TTN: variants seen among roughly 807,000 people sequenced by gnomAD.
TTN encodes the protein titin.
TTN carries 1,525 observed loss-of-function variants against 3,223.0 expected under a neutral mutation model. The observed-to-expected ratio is 0.47, with a 90% CI of 0.45 to 0.49. TTN has a LOEUF of 0.49. TTN is among the 20% of genes least tolerant of loss of function. TTN has a pLI of 0.00. For synonymous variants in TTN, 14,094 were observed against 15,161.0 expected (o/e 0.93, Z 5.17); for missense variants, 40,786 against 43,424.0 (o/e 0.94, Z 5.40).
rs749931280 is a variant in TTN at position 178,649,816 on chromosome 2, C to A, written c.39895+1G>T. The A allele has an allele frequency of 1.5e-5, 24 of 1,611,698 alleles. No individual in the cohort carries two copies. The highest frequency in any genetic ancestry group is 1.5e-4 in the African/African-American group (11 of 74,662). On this transcript the variant is annotated splice_donor_variant, in intron 211 of 362. Transcript: ENST00000589042. LOFTEE classifies it high-confidence loss of function. Reference sequence around the variant, plus strand: ...TGAAGTATTCATTTTAACATGAGTACCTTTAGGAGGCGGTGCTTCTGGTTT... The same window carrying A: ...TGAAGTATTCATTTTAACATGAGTAACTTTAGGAGGCGGTGCTTCTGGTTT...
chr2:178,588,648 T>C lies in TTN; in HGVS notation c.63077A>G (p.Gln21026Arg), dbSNP rs2049578879. 6.2e-7 allele frequency: 1 copy of C among 1,609,692 alleles called. No homozygotes were observed. The highest frequency in any genetic ancestry group is 1.3e-5 in the African/African-American group (1 of 74,768). ...ATATTCATGGTCTGGGAGGAGATTCTGTACTTTCATACGTCTCTCAGGGAT... is the reference window on the plus strand; with the variant it reads ...ATATTCATGGTCTGGGAGGAGATTCCGTACTTTCATACGTCTCTCAGGGAT... ...SAIPERRMKV[Q>R]NLLPDHEYQF... is the part of the protein sequence containing the mutation. Residue 21026 changes from glutamine to arginine, a missense_variant, in exon 304 of 363, where the codon CAG (glutamine) becomes CGG (arginine). Transcript: ENST00000589042.
intron 47 of TTN, chr2:178,744,262 T>A (rs1224928583): frequency 1.6e-6 from 1 of 610,442 alleles, no homozygotes; most frequent in Non-Finnish European, 2.0e-6. Flanking sequence ...TCTTTCATTG[T>A]AATATTATTT....
chr2:178,650,713 C>T (rs758988792), intron 209 of TTN, 38 bp downstream of exon 209: 26 of 1,521,632 alleles, frequency 1.7e-5, no homozygotes, highest in East Asian at 2.3e-5. Flanking sequence ...GAAATAGTCG[C>T]AAGTGGCAAG....
intron 312 of TTN, 60 bp downstream of exon 312, chr2:178,583,547 G>T: frequency 2.8e-6 from 4 of 1,422,874 alleles, no homozygotes; most frequent in Non-Finnish European, 3.7e-6. Context: ...TTTTTATTAG[G>T]AAAAATGACC....
intron 1 of TTN, among the ~76,000 whole-genome samples, 189 bp downstream of exon 1, chr2:178,807,023 T>A (rs1210526200): frequency 1.3e-5 from 2 of 152,194 alleles, no homozygotes; most frequent in Non-Finnish European, 2.9e-5. Context: ...AGCTTTCAAC[T>A]TTTTAAGGAA....
At position 178,773,241 on chromosome 2, in the gene TTN, T is replaced by C; in HGVS notation, c.7723A>G (p.Ser2575Gly). 1 of 1,613,940 alleles carries C rather than the reference T, an allele frequency of 6.2e-7. No individual in the cohort carries two copies. Among genetic ancestry groups the C allele is most frequent in the Non-Finnish European group, 8.5e-7 (1 of 1,179,946 alleles). ...TGTGCTTCAATTTTATATTTAGAAC[T>C]GGGCTTGATTTCCTTGTCCTTAAAA... ...WNFKDKEIKPSSKYKIEAHGK... is the reference protein window; with the variant it reads ...WNFKDKEIKPGSKYKIEAHGK... The change falls in exon 33 of 363, where the codon AGT (serine) becomes GGT (glycine). Residue 2575 changes from serine to glycine, a missense_variant. By Grantham distance (56) the Ser-to-Gly change is moderately conservative. Transcript: ENST00000589042.
chr2:178,677,565 G>A (rs994961584), intron 146 of TTN, 56 bp downstream of exon 146: 6 of 1,510,066 alleles, frequency 4.0e-6, no homozygotes, highest in Admixed American at 2.2e-5. Context: ...AAAAGGATGG[G>A]AAAGCAGAAT....
At position 178,587,804 on chromosome 2, in the gene TTN, C is replaced by G. The variant is rs764153401; in HGVS notation, c.63509-4G>C. 6.3e-7 allele frequency: 1 copy of G among 1,590,944 alleles called. No homozygotes were observed. Among genetic ancestry groups the G allele is most frequent in the Non-Finnish European group, 8.6e-7 (1 of 1,168,166 alleles). On this transcript the variant is annotated splice_polypyrimidine_tract_variant and splice_region_variant and intron_variant, in intron 305 of 362. Coordinates refer to ENST00000589042, the MANE Select transcript of TTN (RefSeq NM_001267550.2). Reference sequence around the variant, plus strand: ...TCCAAATCAATCTCCGGAGGTTCTGCAAATGACATTAAGGTCATTAATTGA... The same window carrying G: ...TCCAAATCAATCTCCGGAGGTTCTGGAAATGACATTAAGGTCATTAATTGA...
Position 178,664,078 on chromosome 2 carries a change from T to A in TTN, c.36301A>T (p.Ile12101Phe). 1 of 1,612,602 alleles carries A rather than the reference T, an allele frequency of 6.2e-7. No homozygotes were observed. The highest frequency in any genetic ancestry group is 8.5e-7 in the Non-Finnish European group (1 of 1,179,572). ...ACCGACACTTTCTTTTCAGGGATAA[T>A]CTCTTTGGGAGCTTCGTGCACTTGA... ...PVKVHEAPKE[I>F]IPEKKVSVVP... is the part of the protein sequence containing the mutation. Residue 12101 changes from isoleucine to phenylalanine, a missense_variant, in exon 169 of 363, where the codon ATT becomes TTT. Physicochemically the swap from Ile to Phe is conservative, Grantham distance 21. Transcript: ENST00000589042.
chr2:178,568,679 T>G lies in TTN; in HGVS notation c.77453A>C (p.Glu25818Ala), dbSNP rs781425261. Residue 25818 changes from glutamate to alanine, a missense_variant, in exon 326 of 363, where the codon GAA (glutamate) becomes GCA (alanine). Glu to Ala is a moderately radical substitution (Grantham distance 107). Transcript: ENST00000589042. Reference sequence around the variant, plus strand: ...CTTAGGACGTCCAGAAATTGGCACTTCTATTTTCAAATCTTGGCCAACCTG... The same window carrying G: ...CTTAGGACGTCCAGAAATTGGCACTGCTATTTTCAAATCTTGGCCAACCTG... The part of the protein sequence containing the change: ...SVQVGQDLKI[E>A]VPISGRPKPT... The G allele has an allele frequency of 4.3e-6, 7 of 1,613,376 alleles. No homozygotes were observed. The Admixed American group carries it at 1.0e-4, about 23-fold the overall frequency.
rs775514055 is a variant in TTN, at chr2:178,693,605, A to G, written c.31594+4T>C. 1 of 1,560,630 alleles carries G rather than the reference A, an allele frequency of 6.4e-7. No individual in the cohort carries two copies. On this transcript the variant is annotated splice_donor_region_variant and intron_variant, in intron 119 of 362. Transcript: ENST00000589042. ...AGTTTAAACTTAGAATGAATTACTA[A>G]TACCTTTAGGTGGTGGTTCAACCCT...
At position 178,570,837 on chromosome 2, in the gene TTN, C is replaced by T; in HGVS notation, c.75295G>A (p.Ala25099Thr). The change falls in exon 326 of 363, where the codon GCA becomes ACA. Residue 25099 changes from alanine (A) to threonine (T), a missense_variant. Ala to Thr is a moderately conservative substitution (Grantham distance 58). Transcript: ENST00000589042. ...TCTACCTCATCTCTAGCTGTTATTGCTCCTGTGCTTTCTGAAGGCTCACTA... is the reference window on the plus strand; with the variant it reads ...TCTACCTCATCTCTAGCTGTTATTGTTCCTGTGCTTTCTGAAGGCTCACTA... ...VFSEPSESTG[A>T]ITARDEVDPP... 1 of 1,613,492 alleles carries T rather than the reference C, an allele frequency of 6.2e-7. No individual in the cohort carries two copies. Among genetic ancestry groups the T allele is most frequent in the South Asian group, 1.1e-5 (1 of 91,076 alleles).
Position 178,634,352 on chromosome 2 carries a change from A to T in TTN, c.42415+14T>A. Reference sequence around the variant, plus strand: ...GCCTTTATGGGATGTCACAGATCTCATTAGCTCGCTTACCTGTGACAAACA... The same window carrying T: ...GCCTTTATGGGATGTCACAGATCTCTTTAGCTCGCTTACCTGTGACAAACA... On this transcript the variant is annotated intron_variant, in intron 230 of 362. Coordinates refer to ENST00000589042, the MANE Select transcript of TTN (RefSeq NM_001267550.2). This position sits in a 1 kb window ranked among gnomAD's most constrained non-coding sequence, Gnocchi z 4.6. 6.3e-7 allele frequency: 1 copy of T among 1,596,380 alleles called. No individual in the cohort carries two copies. The highest frequency in any genetic ancestry group is 8.5e-7 in the Non-Finnish European group (1 of 1,175,754).
rs781644443 is a variant in TTN at position 178,735,803 on chromosome 2, C to G, written c.14643G>C (p.Glu4881Asp). The change falls in exon 50 of 363, where the codon GAG (glutamate) becomes GAC (aspartate). Residue 4881 changes from glutamate (E) to aspartate (D), a missense_variant. By Grantham distance (45) the Glu-to-Asp change is conservative. Coordinates refer to ENST00000589042, the MANE Select transcript of TTN (RefSeq NM_001267550.2). ...AATGTGGCTTATCAATGATGATCAA[C>G]TCTGCTTGGCAGATGTCTGCTCCAA... ...NKFGADICQAELIIIDKPHFI... is the reference protein window; with the variant it reads ...NKFGADICQADLIIIDKPHFI... 37 of 1,613,614 alleles carry G rather than the reference C, an allele frequency of 2.3e-5. No individual in the cohort carries two copies. Among genetic ancestry groups the G allele is most frequent in the Non-Finnish European group, 3.1e-5 (37 of 1,179,784 alleles).
intron 49 of TTN, 156 bp downstream of exon 49, chr2:178,737,926 C>T (rs1157417018): frequency 4.1e-5 from 30 of 723,098 alleles, no homozygotes; most frequent in South Asian, 3.2e-5. Context: ...ATTTCTTATC[C>T]CATATAGGCT....
intron 10 of TTN, 67 bp downstream of exon 10, chr2:178,792,005 C>T: frequency 1.9e-6 from 3 of 1,554,552 alleles, no homozygotes; most frequent in Admixed American, 3.5e-5. Flanking sequence ...TGACTATAAG[C>T]TACCTGCAGC....
chr2:178,564,495 G>A lies in TTN; in HGVS notation c.81637C>T (p.Pro27213Ser), dbSNP rs375058735. The A allele has an allele frequency of 6.2e-7, 1 of 1,612,094 alleles. No homozygotes were observed. Among genetic ancestry groups the A allele is most frequent in the African/African-American group, 1.3e-5 (1 of 74,872 alleles). Residue 27213 changes from proline to serine, a missense_variant, in exon 326 of 363, where the codon CCT (proline) becomes TCT (serine). Pro to Ser is a moderately conservative substitution (Grantham distance 74). Transcript: ENST00000589042. Reference protein sequence around the residue: ...TGYIVEKKDLPDGRWMKASFT... With the variant: ...TGYIVEKKDLSDGRWMKASFT... ...CTGGCTTTCATCCAGCGGCCATCAGGTAGATCTTTCTTTTCTACAATATAA... is the reference window on the plus strand; with the variant it reads ...CTGGCTTTCATCCAGCGGCCATCAGATAGATCTTTCTTTTCTACAATATAA...
intron 4 of TTN, 41 bp from the exon 5 acceptor site, chr2:178,799,951 T>C (rs957777444): frequency 1.3e-6 from 2 of 1,593,534 alleles, no homozygotes; most frequent in South Asian, 1.1e-5. Context: ...GGGGGCACAA[T>C]GACCCATTTT....
chr2:178,546,263 C>A lies in TTN; in HGVS notation c.95068G>T (p.Val31690Leu), dbSNP rs727503543. 1 of 1,613,694 alleles carries A rather than the reference C, an allele frequency of 6.2e-7. No individual in the cohort carries two copies. The highest frequency in any genetic ancestry group is 8.5e-7 in the Non-Finnish European group (1 of 1,179,642). ...GCCTTGGTCCCGCTGGCATTTTTCA[C>A]TGTTAAAGTGTATTTTCCACTGTCA... ...RSDSGKYTLT[V>L]KNASGTKAVS... Residue 31690 changes from valine (V) to leucine (L), a missense_variant, in exon 342 of 363, where the codon GTG (valine) becomes TTG (leucine). By Grantham distance (32) the Val-to-Leu change is conservative. Transcript: ENST00000589042.
Sources: gnomAD v4.1 joint callset for allele counts (sites outside exome capture counted in the v4.1 genomes callset) on GRCh38, gnomAD v4.1.1 for gene constraint, Gnocchi (gnomAD v3.1) non-coding constraint, MANE v1.5 for transcripts, NCBI Gene and HGNC (gene_info 2026-07-23, HGNC 2026-07-21) for gene names.